INO80: variants seen among roughly 807,000 people sequenced by gnomAD.
The protein encoded by INO80 is INO80 complex ATPase subunit.
In INO80, 20 loss-of-function variants were observed where a neutral mutation model predicts 203.4. The observed-to-expected ratio is 0.10, with a 90% confidence interval of 0.07 to 0.14. The LOEUF (loss-of-function observed/expected upper bound fraction) is 0.14, where lower values mean the gene tolerates loss of function less well. Ranked by LOEUF, INO80 falls within the 10% of genes least tolerant of loss-of-function variation. The pLI, the probability that INO80 is intolerant of heterozygous loss-of-function variation, is 1.00. For missense variants in INO80, 1,419 were observed against 1,914.4 expected (o/e 0.74, Z 4.83); for synonymous variants, 726 against 685.2 (o/e 1.06, Z -0.93).
chr15:41,003,334 C>CTTT (rs71104761), intron 28 of INO80, among the ~76,000 whole-genome samples: 4,021 of 125,692 alleles, frequency 0.032, 204 homozygotes, highest in Non-Finnish European at 0.044. Context: ...CTTTTCTTTT[C>CTTT]TTTTTTTTTT....
intron 23 of INO80, among the ~76,000 whole-genome samples, chr15:41,046,206 C>CATACATATATATATATATATAT (rs1268610100): frequency 6.9e-5 from 1 of 14,424 alleles, no homozygotes; most frequent in African/African-American, 2.3e-4. Context: ...CGTATACATA[C>CATACATATATATATATATATAT]ATATATATAT....
At chr15:41,037,485 T>A (rs951637064) in intron 24 of INO80, among the ~76,000 whole-genome samples, 1 of 150,758 alleles carries the variant, frequency 6.6e-6, no homozygotes, top group African/African-American at 2.4e-5. Context: ...GCCTGGGCAA[T>A]AGAGCAAGAC....
At position 41,074,407 on chromosome 15, in the gene INO80, A is replaced by G. The variant is rs1402414591; in HGVS notation, c.1290T>C (p.Gly430=). 6.2e-7 allele frequency: 1 copy of G among 1,613,646 alleles called. No homozygotes were observed. The highest frequency in any genetic ancestry group is 1.7e-5 in the Admixed American group (1 of 59,940). Residue 430 remains glycine (G), a synonymous_variant, in exon 10 of 36, where the codon GGT becomes GGC. Coordinates refer to ENST00000648947, the MANE Select transcript of INO80 (RefSeq NM_017553.3). ...GTGTGATGTTAACTACCACTCCTCC[A>G]CCTATATCGATTTGTCTCTGGGTAG... ...DSSTQRQIDI[G]GGVVVNITQE...
chr15:41,049,349 G>A lies in INO80; in HGVS notation c.2514C>T (p.Tyr838=). ...GACGGTAGATAAACTTTGAAATGTG[G>A]TATGGCTTTAGGGAAATATGAAATG... ...WSPFHISLKP[Y]HISKFIYRHG... The change falls in exon 21 of 36, where the codon TAC becomes TAT. Residue 838 remains tyrosine (Y), a synonymous_variant. Coordinates refer to ENST00000648947, the MANE Select transcript of INO80 (RefSeq NM_017553.3). 6.2e-7 allele frequency: 1 copy of A among 1,613,560 alleles called. No homozygotes were observed. The highest frequency in any genetic ancestry group is 8.5e-7 in the Non-Finnish European group (1 of 1,179,488).
At chr15:41,079,668 T>G (rs751958710) in intron 9 of INO80, 33 bp downstream of exon 9, 1 of 1,591,460 alleles carries the variant, frequency 6.3e-7, no homozygotes, top group Admixed American at 1.7e-5. Context: ...CTGTAGTAAT[T>G]AGGGTTTTCA....
chr15:41,045,903 GAAAA>G (rs11303324), intron 23 of INO80, among the ~76,000 whole-genome samples: 6 of 146,970 alleles, frequency 4.1e-5, no homozygotes, highest in African/African-American at 1.3e-4. Context: ...TTCATCTCGG[GAAAA>G]AAAAAAAATT....
chr15:40,986,161 G>A (rs1596233589), intron 31 of INO80, among the ~76,000 whole-genome samples: 1 of 152,228 alleles, frequency 6.6e-6, no homozygotes, highest in East Asian at 1.9e-4. Context: ...TTACAGCTGC[G>A]TGCTTCTCCA....
intron 1 of INO80, among the ~76,000 whole-genome samples, chr15:41,104,405 C>CA (rs1200008110): frequency 6.6e-6 from 1 of 152,032 alleles, no homozygotes; most frequent in African/African-American, 2.4e-5. Context: ...GCTGCCCTGC[C>CA]AACAGCTTCA....
chr15:40,983,575 A>G (rs1434993614), intron 34 of INO80, among the ~76,000 whole-genome samples, 187 bp downstream of exon 34: 1 of 152,238 alleles, frequency 6.6e-6, no homozygotes, highest in Non-Finnish European at 1.5e-5. Context: ...GGATGACTAG[A>G]AAAGTTTTAA....
intron 24 of INO80, among the ~76,000 whole-genome samples, chr15:41,031,032 GTGATGTATAGCTTTC>G (rs2044452143): frequency 6.6e-6 from 1 of 152,152 alleles, no homozygotes; most frequent in Admixed American, 6.5e-5. Context: ...CTAAGTCAAG[GTGATGTATAGCTTTC>G]TGATTCCAGG....
At chr15:41,099,556 G>A (rs2045777323) in intron 1 of INO80, among the ~76,000 whole-genome samples, 1 of 152,024 alleles carries the variant, frequency 6.6e-6, no homozygotes, top group African/African-American at 2.4e-5. Flanking sequence ...TGAGGCAGGA[G>A]GAGAGCTTGA....
intron 5 of INO80, among the ~76,000 whole-genome samples, chr15:41,089,460 G>A (rs1257542005): frequency 6.6e-6 from 1 of 152,114 alleles, no homozygotes; most frequent in Non-Finnish European, 1.5e-5. Flanking sequence ...TGTAGAAATA[G>A]TCAGAAGGCG....
chr15:41,031,585 GGAAGGGAGGGAGGGAGGGAGGAAGGGA>G (rs1194092234), intron 24 of INO80, among the ~76,000 whole-genome samples: 9 of 9,726 alleles, frequency 9.3e-4, no homozygotes, highest in African/African-American at 2.1e-3. Context: ...GAGGAAGGGA[GGAAGGGAGGGAGGGAGGGAGGAAGGGA>G]GGAGGGAGGA....
intron 34 of INO80, 89 bp downstream of exon 34, chr15:40,983,673 T>C: frequency 1.8e-6 from 2 of 1,132,568 alleles, no homozygotes; most frequent in Non-Finnish European, 2.5e-6. Context: ...AAAATACCAT[T>C]ATCCTAGAAG....
intron 14 of INO80, among the ~76,000 whole-genome samples, chr15:41,063,773 G>A (rs973775908): frequency 6.6e-6 from 1 of 151,854 alleles, no homozygotes; most frequent in East Asian, 1.9e-4. Flanking sequence ...GTCTCAAAAA[G>A]AGAAATGCAC....
chr15:41,041,856 G>T, intron 24 of INO80, among the ~76,000 whole-genome samples: 1 of 144,540 alleles, frequency 6.9e-6, no homozygotes. Flanking sequence ...TTTTTTTGAG[G>T]CAGGGTCTCG....
chr15:41,057,797 C>CAAAAA (rs35197370), intron 16 of INO80, among the ~76,000 whole-genome samples: 35 of 29,158 alleles, frequency 1.2e-3, no homozygotes, highest in East Asian at 4.5e-3. Flanking sequence ...AACTACATCT[C>CAAAAA]AAAAAAAAAA....
intron 24 of INO80, among the ~76,000 whole-genome samples, chr15:41,035,997 C>A (rs2044566883): frequency 6.7e-6 from 1 of 148,836 alleles, no homozygotes; most frequent in East Asian, 2.0e-4. Flanking sequence ...AACAAAAAAA[C>A]CCATAAAATT....
At chr15:41,096,394 C>A (rs1042525175) in intron 1 of INO80, 41 bp from the exon 2 acceptor site, 6 of 1,367,648 alleles carry the variant, frequency 4.4e-6, no homozygotes, top group Middle Eastern at 1.9e-4. Flanking sequence ...AAATTACTAT[C>A]CATTCTCCCT....
Sources: gnomAD v4.1 joint callset for allele counts (sites outside exome capture counted in the v4.1 genomes callset) on GRCh38, gnomAD v4.1.1 for gene constraint, MANE v1.5 for transcripts, NCBI Gene and HGNC (gene_info 2026-07-23, HGNC 2026-07-21) for gene names.